The following GRXCR1 variants were observed in gnomAD, a reference collection of about 807,000 sequenced individuals.
GRXCR1 encodes the protein glutaredoxin domain-containing cysteine-rich protein 1.
In GRXCR1, 27 loss-of-function variants were observed where a neutral mutation model predicts 27.3. The ratio of observed to expected loss-of-function variants is 0.99; its 90% CI spans 0.73 to 1.37. The LOEUF is 1.37. GRXCR1 is among the 40% of genes most tolerant of loss of function. GRXCR1 has a pLI of 0.00. For synonymous variants in GRXCR1, 122 were observed against 131.1 expected (o/e 0.93, Z 0.47); for missense variants, 379 against 354.4 (o/e 1.07, Z -0.56).
intron 1 of GRXCR1, among the ~76,000 whole-genome samples, chr4:42,956,061 C>T (rs575708280): frequency 4.3e-4 from 66 of 152,096 alleles, no homozygotes; most frequent in African/African-American, 1.5e-3. Flanking sequence ...TACTGCAGGG[C>T]GATGTGCAGG....
intron 1 of GRXCR1, among the ~76,000 whole-genome samples, chr4:42,934,638 C>G (rs1414931531): frequency 2.6e-5 from 4 of 151,908 alleles, no homozygotes; most frequent in African/African-American, 7.2e-5. Context: ...CTTTTTAAAA[C>G]GTTGACTTCT....
chr4:42,960,117 A>T (rs1748098471), intron 1 of GRXCR1, among the ~76,000 whole-genome samples: 1 of 151,996 alleles, frequency 6.6e-6, no homozygotes, highest in Non-Finnish European at 1.5e-5. Flanking sequence ...GTTCTATAAG[A>T]TTCAGAGAGA....
chr4:42,922,129 C>T (rs1747026443), intron 1 of GRXCR1, among the ~76,000 whole-genome samples: 1 of 152,194 alleles, frequency 6.6e-6, no homozygotes, highest in Non-Finnish European at 1.5e-5. Context: ...AAAATATGTT[C>T]CATGCCCTTA....
intron 1 of GRXCR1, among the ~76,000 whole-genome samples, chr4:42,911,308 C>A (rs543983645): frequency 6.6e-6 from 1 of 152,058 alleles, no homozygotes; most frequent in South Asian, 2.1e-4. Flanking sequence ...TCCAAATATG[C>A]CTCTAATACA....
intron 2 of GRXCR1, among the ~76,000 whole-genome samples, chr4:43,012,985 T>C (rs969144677): frequency 2.0e-5 from 3 of 152,046 alleles, no homozygotes; most frequent in Non-Finnish European, 4.4e-5. Context: ...TGAGATAACA[T>C]CTCACAGTCA....
chr4:42,902,138 G>A (rs774322306), intron 1 of GRXCR1, among the ~76,000 whole-genome samples: 1 of 152,176 alleles, frequency 6.6e-6, no homozygotes. Flanking sequence ...ATATAACACA[G>A]TGTTGATCAT....
At chr4:43,004,818 A>G (rs947871321) in intron 2 of GRXCR1, among the ~76,000 whole-genome samples, 1 of 152,176 alleles carries the variant, frequency 6.6e-6, no homozygotes, top group Non-Finnish European at 1.5e-5. Flanking sequence ...TCATAGATGG[A>G]AGGGACTTGC....
chr4:42,983,736 A>T (rs1711567378), intron 2 of GRXCR1, among the ~76,000 whole-genome samples: 1 of 152,006 alleles, frequency 6.6e-6, no homozygotes, highest in African/African-American at 2.4e-5. Flanking sequence ...CTCTGCCATA[A>T]ATCCTGTTAA....
At position 42,958,008 on chromosome 4, in the gene GRXCR1, T is replaced by A. The variant is rs115542216; in HGVS notation, c.385-4884T>A. On this transcript the variant is annotated intron_variant, in intron 1 of 3. Coordinates refer to ENST00000399770, the MANE Select transcript of GRXCR1 (RefSeq NM_001080476.3). ...CTGTCAATATGTGAGCATTGAAGAG[T>A]TAGGTATTTATTCCAGCCTTTGCAG... Among the ~76,000 whole-genome samples, 892 of 152,016 alleles carry A rather than the reference T, an allele frequency of 5.9e-3. 11 individuals are homozygous for A. Among genetic ancestry groups the A allele is most frequent in the African/African-American group, 0.02 (850 of 41,502 alleles).
intron 3 of GRXCR1, among the ~76,000 whole-genome samples, chr4:43,025,667 C>CA (rs1713231697): frequency 6.6e-6 from 1 of 152,192 alleles, no homozygotes; most frequent in Non-Finnish European, 1.5e-5. Flanking sequence ...CCGCAGCAGT[C>CA]AATCTCTTCA....
intron 2 of GRXCR1, among the ~76,000 whole-genome samples, chr4:42,974,708 G>A (rs555190080): frequency 3.4e-4 from 51 of 152,172 alleles, no homozygotes; most frequent in African/African-American, 9.4e-4. Flanking sequence ...GGTAAGAGTC[G>A]GGATTAGAGG....
At chr4:42,950,748 G>C (rs773121937) in intron 1 of GRXCR1, among the ~76,000 whole-genome samples, 35 of 152,190 alleles carry the variant, frequency 2.3e-4, no homozygotes, top group African/African-American at 7.7e-4. Context: ...TCCCATATTA[G>C]AGAACAGAAA....
intron 2 of GRXCR1, among the ~76,000 whole-genome samples, chr4:43,005,040 T>A (rs980617672): frequency 6.6e-6 from 1 of 152,160 alleles, no homozygotes; most frequent in African/African-American, 2.4e-5. Flanking sequence ...AGGAACCTGG[T>A]GGGAGGCAAT....
At chr4:43,007,739 A>T (rs1712610082) in intron 2 of GRXCR1, among the ~76,000 whole-genome samples, 1 of 152,190 alleles carries the variant, frequency 6.6e-6, no homozygotes, top group Non-Finnish European at 1.5e-5. Flanking sequence ...TGAGTAAGAG[A>T]ATATTTGGTA....
chr4:43,003,056 C>T (rs572103690), intron 2 of GRXCR1, among the ~76,000 whole-genome samples: 2 of 152,266 alleles, frequency 1.3e-5, no homozygotes, highest in South Asian at 4.1e-4. Context: ...CCTGCCACCA[C>T]ATGAAGAAGA....
chr4:43,004,253 G>A (rs1277939327), intron 2 of GRXCR1, among the ~76,000 whole-genome samples: 10 of 152,250 alleles, frequency 6.6e-5, no homozygotes, highest in Admixed American at 4.6e-4. Context: ...TAAGCTTTGC[G>A]AGCTTCTGCC....
intron 2 of GRXCR1, among the ~76,000 whole-genome samples, chr4:42,997,042 A>G (rs1429130976): frequency 1.3e-5 from 2 of 152,096 alleles, no homozygotes; most frequent in African/African-American, 4.8e-5. Flanking sequence ...TTTAGTTGGT[A>G]GCCATTTTGA....
chr4:42,974,985 CT>C (rs1748479175), intron 2 of GRXCR1, among the ~76,000 whole-genome samples: 1 of 152,090 alleles, frequency 6.6e-6, no homozygotes, highest in Non-Finnish European at 1.5e-5. Flanking sequence ...AACATTAAAT[CT>C]GGTCAGTTGT....
At chr4:42,987,836 A>T (rs1301881665) in intron 2 of GRXCR1, among the ~76,000 whole-genome samples, 1 of 152,182 alleles carries the variant, frequency 6.6e-6, no homozygotes, top group Non-Finnish European at 1.5e-5. Flanking sequence ...AACGTCAGAG[A>T]CTAGGGAAGA....
Sources: gnomAD v4.1 joint callset for allele counts (sites outside exome capture counted in the v4.1 genomes callset) on GRCh38, gnomAD v4.1.1 for gene constraint, MANE v1.5 for transcripts, NCBI Gene and HGNC (gene_info 2026-07-23, HGNC 2026-07-21) for gene names.